Variants in KDM4C observed in about 807,000 individuals in gnomAD.
The protein encoded by KDM4C is lysine demethylase 4C.
A neutral mutation model predicts 129.3 loss-of-function variants in KDM4C; 81 were observed. The ratio of observed to expected loss-of-function variants is 0.63; its 90% CI spans 0.52 to 0.75. The LOEUF is 0.75. Ranked by LOEUF, KDM4C falls within the 30% of genes least tolerant of loss-of-function variation. The probability of loss-of-function intolerance (pLI) is 0.00; values close to 1 mark genes in which losing one functional copy is unlikely to be tolerated. For synonymous variants in KDM4C, 573 were observed against 456.1 expected, an observed-to-expected ratio of 1.26 and a Z score of -3.26; for missense variants, 1,457 against 1,304.0, an observed-to-expected ratio of 1.12 and a Z score of -1.81.
At chr9:7,148,417 C>T (rs1842415462) in intron 19 of KDM4C, among the ~76,000 whole-genome samples, 1 of 152,182 alleles carries the variant, frequency 6.6e-6, no homozygotes, top group South Asian at 2.1e-4. Context: ...TGGCCTGGCC[C>T]CACAGCTCTT....
At chr9:6,816,839 C>A (rs1186959313) in intron 4 of KDM4C, among the ~76,000 whole-genome samples, 1 of 134,498 alleles carries the variant, frequency 7.4e-6, no homozygotes, top group African/African-American at 2.8e-5. Context: ...TTTTGTCATG[C>A]TTTTCTTTTT....
intron 4 of KDM4C, among the ~76,000 whole-genome samples, chr9:6,828,135 C>A (rs899696079): frequency 3.3e-5 from 5 of 152,036 alleles, no homozygotes; most frequent in African/African-American, 1.2e-4. Flanking sequence ...AAAATTCAGT[C>A]TGTCTCTGGA....
chr9:6,916,971 T>A (rs1471319334), intron 8 of KDM4C, among the ~76,000 whole-genome samples: 1 of 152,238 alleles, frequency 6.6e-6, no homozygotes, highest in Non-Finnish European at 1.5e-5. Context: ...TGATACAAAG[T>A]TGAATGAGGG....
chr9:6,781,579 T>G (rs1270744992), intron 1 of KDM4C, among the ~76,000 whole-genome samples: 1 of 152,146 alleles, frequency 6.6e-6, no homozygotes, highest in Non-Finnish European at 1.5e-5. Context: ...AGCATTATGC[T>G]TGGGAGCCAT....
chr9:6,799,398 AC>A (rs1828467336), intron 2 of KDM4C, among the ~76,000 whole-genome samples: 2 of 152,190 alleles, frequency 1.3e-5, no homozygotes, highest in Non-Finnish European at 2.9e-5. Context: ...CCCCGTCTCC[AC>A]CAAAAAAATA....
chr9:6,883,658 G>A (rs981935773), intron 6 of KDM4C, among the ~76,000 whole-genome samples: 1 of 152,130 alleles, frequency 6.6e-6, no homozygotes, highest in Non-Finnish European at 1.5e-5. Context: ...TCTCTTAACC[G>A]AGAATGGAGA....
chr9:6,873,580 C>G (rs1162052534), intron 5 of KDM4C, among the ~76,000 whole-genome samples: 1 of 152,208 alleles, frequency 6.6e-6, no homozygotes, highest in Non-Finnish European at 1.5e-5. Context: ...TCTGCAGCTT[C>G]TTCACCTCTC....
rs1409306495 is a variant in KDM4C, at chr9:6,855,183, AG to A, written c.629+5485del. On this transcript the variant is annotated intron_variant, in intron 5 of 21. Coordinates refer to ENST00000381309, the MANE Select transcript of KDM4C (RefSeq NM_015061.6). ...GTGTTCTTGGTTATAAATGACAGCC[AG>A]GCGCTGAGGCTCATGCCTGTAATCC... Among the ~76,000 whole-genome samples, 5 of 152,168 alleles carry A rather than the reference AG, an allele frequency of 3.3e-5. No homozygotes were observed. In the East Asian group the frequency reaches 9.6e-4, roughly 29 times the overall value.
intron 17 of KDM4C, among the ~76,000 whole-genome samples, chr9:7,089,688 C>G (rs559187881): frequency 1.8e-4 from 27 of 152,304 alleles, no homozygotes; most frequent in Non-Finnish European, 2.5e-4. Context: ...TTCCCATAAA[C>G]TCCTTAAAAC....
intron 1 of KDM4C, among the ~76,000 whole-genome samples, chr9:6,791,525 C>T (rs1318314635): frequency 6.6e-6 from 1 of 152,130 alleles, no homozygotes; most frequent in Non-Finnish European, 1.5e-5. Flanking sequence ...TGGTGCTTGG[C>T]GATTTTGCTG....
Position 6,803,145 on chromosome 9 carries a change from G to T in KDM4C, c.145-2454G>T, listed in dbSNP as rs761806232. ...AAAGGGCGCTTGGAGGGCCTGTATC[G>T]TGCCAGCAATATCTTGCCTCTTACA... is the stretch of plus-strand genomic sequence containing the variant. On this transcript the variant is annotated intron_variant, in intron 2 of 21. Coordinates refer to ENST00000381309, the MANE Select transcript of KDM4C (RefSeq NM_015061.6). Among the ~76,000 whole-genome samples the T allele has an allele frequency of 1.6e-4, 25 of 152,284 alleles. 1 individual carries two copies. The highest frequency in any genetic ancestry group is 5.5e-4 in the African/African-American group (23 of 41,564).
intron 8 of KDM4C, among the ~76,000 whole-genome samples, chr9:6,916,829 G>T (rs746133884): frequency 2.0e-5 from 3 of 152,226 alleles, no homozygotes; most frequent in South Asian, 4.2e-4. Flanking sequence ...CTTTGAATAG[G>T]TTCTATTTTG....
chr9:7,039,394 T>C (rs1017130957), intron 15 of KDM4C, among the ~76,000 whole-genome samples: 2 of 152,030 alleles, frequency 1.3e-5, no homozygotes, highest in Non-Finnish European at 2.9e-5. Context: ...TTTTGTAGAA[T>C]TCTGTATGGT....
chr9:7,159,187 G>A (rs955259546), intron 19 of KDM4C, among the ~76,000 whole-genome samples: 2 of 152,130 alleles, frequency 1.3e-5, no homozygotes, highest in Non-Finnish European at 2.9e-5. Context: ...TTGCTTGGTA[G>A]ATCTTCCTCC....
chr9:6,810,221 A>G lies in KDM4C; in HGVS notation c.321-4410A>G, dbSNP rs1171977057. 2.0e-5 allele frequency among the ~76,000 whole-genome samples: 3 copies of G among 152,226 alleles called. No homozygotes were observed. The East Asian group carries it at 5.8e-4, about 29-fold the overall frequency. ...TTTACTGAGTACACATTTTATACAT[A>G]TCTCTGTTAAATTATTACTCTACTG... On this transcript the variant is annotated intron_variant, in intron 3 of 21. Coordinates refer to ENST00000381309, the MANE Select transcript of KDM4C (RefSeq NM_015061.6).
rs756025696 is a variant in KDM4C, at chr9:7,149,493, C to T, written c.2782-15745C>T. The stretch of plus-strand genomic sequence containing the variant: ...CCCGCCCTGCCAGCTCAGTAGGGCA[C>T]GGGGCTCCCACTGGGATCACCTGTT... On this transcript the variant is annotated intron_variant, in intron 19 of 21. Coordinates refer to ENST00000381309, the MANE Select transcript of KDM4C (RefSeq NM_015061.6). Among the ~76,000 whole-genome samples the T allele has an allele frequency of 7.8e-4, 119 of 152,238 alleles. 1 individual carries two copies. Among genetic ancestry groups the T allele is most frequent in the Non-Finnish European group, 3.2e-4 (22 of 68,044 alleles).
intron 15 of KDM4C, among the ~76,000 whole-genome samples, chr9:7,041,446 C>G (rs1455230933): frequency 6.6e-6 from 1 of 151,978 alleles, no homozygotes; most frequent in Non-Finnish European, 1.5e-5. Context: ...TCATTTGTCT[C>G]TATAGTCATT....
At chr9:7,123,346 C>T (rs1364523708) in intron 18 of KDM4C, among the ~76,000 whole-genome samples, 2 of 152,274 alleles carry the variant, frequency 1.3e-5, no homozygotes, top group South Asian at 2.1e-4. Context: ...TTATTCCCTT[C>T]CGCTACCCAC....
chr9:6,837,464 G>C (rs1007648619), intron 4 of KDM4C, among the ~76,000 whole-genome samples: 1 of 152,172 alleles, frequency 6.6e-6, no homozygotes, highest in Non-Finnish European at 1.5e-5. Flanking sequence ...CACCAGTCTA[G>C]TCGCAGAACA....
Sources: allele counts gnomAD v4.1 joint callset (sites outside exome capture counted in the v4.1 genomes callset), GRCh38; gene constraint gnomAD v4.1.1; transcripts MANE v1.5; gene names NCBI Gene and HGNC (gene_info 2026-07-23, HGNC 2026-07-21).